Variants in CDH4 observed in about 807,000 individuals in gnomAD.
CDH4 encodes cadherin-4.
CDH4 carries 33 observed loss-of-function variants against 86.0 expected under a neutral mutation model. The ratio of observed to expected loss-of-function variants is 0.38; its 90% CI spans 0.29 to 0.51. The LOEUF (loss-of-function observed/expected upper bound fraction) is 0.51, where lower values mean the gene tolerates loss of function less well. Ranked by LOEUF, CDH4 falls within the 20% of genes least tolerant of loss-of-function variation. The pLI, the probability that CDH4 is intolerant of heterozygous loss-of-function variation, is 0.86. For synonymous variants in CDH4, 555 were observed against 549.4 expected, an observed-to-expected ratio of 1.01 and a Z score of -0.14; for missense variants, 1,114 against 1,307.4, an observed-to-expected ratio of 0.85 and a Z score of 2.28.
At chr20:61,640,696 A>T (rs1373618211) in intron 2 of CDH4, among the ~76,000 whole-genome samples, 1 of 152,212 alleles carries the variant, frequency 6.6e-6, no homozygotes, top group Non-Finnish European at 1.5e-5. Context: ...CAGAGAATTT[A>T]TAGAGCAGCC....
Position 61,631,358 on chromosome 20 carries a change from C to T in CDH4, c.170-112205C>T, listed in dbSNP as rs187568667. Among the ~76,000 whole-genome samples the T allele has an allele frequency of 4.6e-3, 703 of 152,332 alleles. 3 individuals carry two copies. The highest frequency in any genetic ancestry group is 0.017 in the Middle Eastern group (5 of 294). On this transcript the variant is annotated intron_variant, in intron 2 of 15. Transcript: ENST00000614565. ...TGGTTGCTTTGTTTAAAAGTGGGGC[C>T]ATGGCTGGGTGCAGTGGCTCACATC...
chr20:61,935,832 G>A lies in CDH4; in HGVS notation c.2545-905G>A, dbSNP rs558427804. ...ACGTGGGAGGCAGAGGTTACAGTGA[G>A]CCAAGGTCGCACCACTGTACTCCAG... On this transcript the variant is annotated intron_variant, in intron 15 of 15. Transcript: ENST00000614565. 2.4e-4 allele frequency among the ~76,000 whole-genome samples: 37 copies of A among 152,292 alleles called. 1 individual carries two copies. The highest frequency in any genetic ancestry group is 6.7e-4 in the African/African-American group (28 of 41,552).
chr20:61,481,200 T>C (rs761943520), intron 2 of CDH4, among the ~76,000 whole-genome samples: 37 of 152,246 alleles, frequency 2.4e-4, no homozygotes, highest in Middle Eastern at 3.4e-3. Context: ...TCTGGAGCCA[T>C]ATTATTGCCA....
intron 2 of CDH4, among the ~76,000 whole-genome samples, chr20:61,572,359 T>G (rs1355041151): frequency 6.6e-6 from 1 of 152,178 alleles, no homozygotes; most frequent in Non-Finnish European, 1.5e-5. Flanking sequence ...GTTTCCCAAG[T>G]GACAGAGCAA....
At chr20:61,468,894 C>G (rs1222491824) in intron 2 of CDH4, among the ~76,000 whole-genome samples, 1 of 152,134 alleles carries the variant, frequency 6.6e-6, no homozygotes, top group Non-Finnish European at 1.5e-5. Context: ...GGATCTCATT[C>G]TTTTTTATGG....
At chr20:61,925,151 T>C (rs545537274) in intron 11 of CDH4, among the ~76,000 whole-genome samples, 2 of 151,872 alleles carry the variant, frequency 1.3e-5, no homozygotes, top group Admixed American at 6.6e-5. Context: ...AGGGCGAGGA[T>C]GGGCTGGGCA....
intron 8 of CDH4, among the ~76,000 whole-genome samples, chr20:61,907,261 G>A (rs571300872): frequency 1.3e-4 from 20 of 149,478 alleles, no homozygotes; most frequent in East Asian, 1.1e-3. Context: ...TGCCCCTCCC[G>A]CCCATTCCCC....
At chr20:61,506,518 G>A (rs759676258) in intron 2 of CDH4, among the ~76,000 whole-genome samples, 5 of 152,164 alleles carry the variant, frequency 3.3e-5, no homozygotes, top group Non-Finnish European at 7.3e-5. Context: ...CTCCCTTAAG[G>A]ATTAAGCTTC....
intron 6 of CDH4, among the ~76,000 whole-genome samples, chr20:61,866,300 A>C (rs1983546056): frequency 6.6e-6 from 1 of 152,198 alleles, no homozygotes; most frequent in African/African-American, 2.4e-5. Flanking sequence ...CAGCTTGGAC[A>C]GCCAGGGTTT....
At chr20:61,375,689 T>C (rs2084864379) in intron 2 of CDH4, among the ~76,000 whole-genome samples, 1 of 151,356 alleles carries the variant, frequency 6.6e-6, no homozygotes, top group Non-Finnish European at 1.5e-5. Context: ...GGTAGTGTGA[T>C]GGTCTTGGTG....
At chr20:61,261,088 CG>C (rs1292826219) in intron 2 of CDH4, among the ~76,000 whole-genome samples, 4 of 152,178 alleles carry the variant, frequency 2.6e-5, no homozygotes, top group Non-Finnish European at 5.9e-5. Flanking sequence ...TGCCTTCCAT[CG>C]CAAGAGGGAG....
intron 2 of CDH4, among the ~76,000 whole-genome samples, chr20:61,262,357 G>A (rs544156674): frequency 6.6e-6 from 1 of 152,082 alleles, no homozygotes; most frequent in Non-Finnish European, 1.5e-5. Flanking sequence ...ACTTGAAACA[G>A]TCTGAAGATG....
At chr20:61,696,573 C>G (rs1329320528) in intron 2 of CDH4, among the ~76,000 whole-genome samples, 1 of 152,196 alleles carries the variant, frequency 6.6e-6, no homozygotes, top group Non-Finnish European at 1.5e-5. Context: ...GAGATCCCAG[C>G]AGGCCAGTGC....
intron 2 of CDH4, among the ~76,000 whole-genome samples, chr20:61,661,521 A>G (rs1029661516): frequency 2.4e-5 from 3 of 125,632 alleles, no homozygotes; most frequent in Admixed American, 1.9e-4. Flanking sequence ...AGTTGGGTCT[A>G]TAAAGAAACT....
intron 2 of CDH4, among the ~76,000 whole-genome samples, chr20:61,743,115 T>C (rs926701613): frequency 2.8e-4 from 42 of 152,326 alleles, no homozygotes; most frequent in Admixed American, 2.7e-3. Context: ...TCCTTGTACT[T>C]AGCCTTCTTG....
chr20:61,388,316 G>T (rs746344133), intron 2 of CDH4, among the ~76,000 whole-genome samples: 39 of 152,222 alleles, frequency 2.6e-4, no homozygotes, highest in Middle Eastern at 6.8e-3. Flanking sequence ...CTCACTTTTC[G>T]CCTTTCCTGG....
chr20:61,875,842 T>G (rs890533844), intron 7 of CDH4, among the ~76,000 whole-genome samples: 4 of 152,250 alleles, frequency 2.6e-5, no homozygotes, highest in East Asian at 1.9e-4. Flanking sequence ...CCCATACAGA[T>G]GTACAGGAAC....
At position 61,345,058 on chromosome 20, in the gene CDH4, GA is replaced by G. The variant is rs373971711; in HGVS notation, c.169+90123del. On this transcript the variant is annotated intron_variant, in intron 2 of 15. Transcript: ENST00000614565. ...TTATGCGCAGGTAATAGTGGGGGCA[GA>G]AGTGATTTTTATCTCGTTTGGATTC... is the stretch of plus-strand genomic sequence containing the variant. Among the ~76,000 whole-genome samples, 872 of 152,328 alleles carry G rather than the reference GA, an allele frequency of 5.7e-3. 3 individuals are homozygous for G. Among genetic ancestry groups the G allele is most frequent in the African/African-American group, 0.019 (788 of 41,560 alleles).
intron 7 of CDH4, among the ~76,000 whole-genome samples, chr20:61,883,204 C>A (rs1484366682): frequency 6.6e-6 from 1 of 152,068 alleles, no homozygotes; most frequent in Non-Finnish European, 1.5e-5. Context: ...GTCTGCCTGG[C>A]AAACAGCCCT....
Sources: gnomAD v4.1 joint callset for allele counts (sites outside exome capture counted in the v4.1 genomes callset) on GRCh38, gnomAD v4.1.1 for gene constraint, MANE v1.5 for transcripts, NCBI Gene and HGNC (gene_info 2026-07-23, HGNC 2026-07-21) for gene names.